WWOX: variants seen among roughly 807,000 people sequenced by gnomAD.
WWOX encodes the protein WW domain-containing oxidoreductase.
In WWOX, 69 loss-of-function variants were observed where a neutral mutation model predicts 46.2. That is an observed-to-expected ratio of 1.49 (90% confidence interval 1.23 to 1.82). The LOEUF (loss-of-function observed/expected upper bound fraction) is 1.82, where lower values mean the gene tolerates loss of function less well. Ranked by LOEUF, WWOX falls within the 40% of genes most tolerant of loss-of-function variation. The pLI is 0.00. For missense variants in WWOX, 919 were observed against 542.6 expected (o/e 1.69, Z -6.89); for synonymous variants, 359 against 202.6 (o/e 1.77, Z -6.56).
chr16:79,203,606 T>C (rs530868765), intron 8 of WWOX: 11 of 152,178 alleles, frequency 7.2e-5, no homozygotes, highest in Non-Finnish European at 1.5e-4. Flanking sequence ...ACAGCTTGTT[T>C]GTGGTTCGTC....
chr16:78,751,243 A>G lies in WWOX; in HGVS notation c.1056+318491A>G, dbSNP rs531750294. 1.6e-3 allele frequency among the ~76,000 whole-genome samples: 247 copies of G among 152,032 alleles called. 2 individuals carry two copies. Among genetic ancestry groups the G allele is most frequent in the African/African-American group, 5.6e-3 (233 of 41,482 alleles). Reference sequence around the variant, plus strand: ...TACATATCAGAAATTAGTTAGAAGAAGATATGAGATAAATATACCTGGAAA... The same window carrying G: ...TACATATCAGAAATTAGTTAGAAGAGGATATGAGATAAATATACCTGGAAA... On this transcript the variant is annotated intron_variant, in intron 8 of 8. Coordinates refer to ENST00000566780, the MANE Select transcript of WWOX (RefSeq NM_016373.4).
rs543805344 is a variant in WWOX, at chr16:78,930,597, T to G, written c.1057-281011T>G. 8.6e-4 allele frequency among the ~76,000 whole-genome samples: 120 copies of G among 139,488 alleles called. 1 individual carries two copies. The highest frequency in any genetic ancestry group is 7.4e-3 in the Middle Eastern group (2 of 270). The allele number at this position is 139,488 out of a possible 152,430, so 91.5% of individuals were successfully genotyped here. On this transcript the variant is annotated intron_variant, in intron 8 of 8. Transcript: ENST00000566780. ...TAGGCTGCTGCACCAGGCAAGGACT[T>G]TTTTTTTTTTTTTTAAACAAACTTC... is the stretch of plus-strand genomic sequence containing the variant.
At chr16:78,412,371 C>T (rs567499446) in intron 6 of WWOX, among the ~76,000 whole-genome samples, 1 of 152,050 alleles carries the variant, frequency 6.6e-6, no homozygotes, top group Non-Finnish European at 1.5e-5. Flanking sequence ...GAAGATAAGA[C>T]TGACAGGTGG....
intron 8 of WWOX, among the ~76,000 whole-genome samples, chr16:78,775,242 A>G (rs1320538881): frequency 6.6e-6 from 1 of 152,164 alleles, no homozygotes; most frequent in Non-Finnish European, 1.5e-5. Flanking sequence ...CAGCCCGGCC[A>G]ATAATATCAC....
intron 8 of WWOX, among the ~76,000 whole-genome samples, chr16:78,992,582 C>G (rs1348253605): frequency 1.3e-5 from 2 of 152,148 alleles, no homozygotes; most frequent in East Asian, 1.9e-4. Context: ...TTATTTTTCT[C>G]TCTCAGAATG....
chr16:78,928,191 C>T (rs935012148), intron 8 of WWOX, among the ~76,000 whole-genome samples: 5 of 151,330 alleles, frequency 3.3e-5, no homozygotes, highest in Admixed American at 2.6e-4. Flanking sequence ...TATGCTTTTC[C>T]CTACCACTTT....
chr16:79,063,866 A>C (rs1254284693), intron 8 of WWOX, among the ~76,000 whole-genome samples: 1 of 152,232 alleles, frequency 6.6e-6, no homozygotes, highest in Non-Finnish European at 1.5e-5. Flanking sequence ...GCTCTTCCTG[A>C]AATCAATTTT....
chr16:78,664,440 A>T (rs562299159), intron 8 of WWOX, among the ~76,000 whole-genome samples: 1 of 152,244 alleles, frequency 6.6e-6, no homozygotes, highest in Non-Finnish European at 1.5e-5. Context: ...GGCTGCTTTG[A>T]GCTTCTTCCT....
chr16:78,479,411 A>G (rs546686095), intron 8 of WWOX, among the ~76,000 whole-genome samples: 1 of 152,216 alleles, frequency 6.6e-6, no homozygotes, highest in Non-Finnish European at 1.5e-5. Flanking sequence ...TTTCATTGTA[A>G]TGTTTTAAAG....
intron 8 of WWOX, among the ~76,000 whole-genome samples, chr16:79,152,684 A>AC (rs1567585063): frequency 6.6e-6 from 1 of 151,812 alleles, no homozygotes; most frequent in Non-Finnish European, 1.5e-5. Flanking sequence ...AAAAAAAAAA[A>AC]AAAACAAAAA....
At chr16:78,953,588 C>G (rs1243756234) in intron 8 of WWOX, among the ~76,000 whole-genome samples, 2 of 152,094 alleles carry the variant, frequency 1.3e-5, no homozygotes, top group East Asian at 3.9e-4. Context: ...AGAGTGTGTC[C>G]CCTCCACTGT....
At chr16:79,058,761 C>T (rs1231682142) in intron 8 of WWOX, among the ~76,000 whole-genome samples, 1 of 152,158 alleles carries the variant, frequency 6.6e-6, no homozygotes, top group African/African-American at 2.4e-5. Context: ...TATACTTCTA[C>T]TAAAATATTA....
At position 78,563,383 on chromosome 16, in the gene WWOX, T is replaced by A. The variant is rs568714088; in HGVS notation, c.1056+130631T>A. Among the ~76,000 whole-genome samples the A allele has an allele frequency of 2.0e-5, 3 of 152,002 alleles. No homozygotes were observed. In the South Asian group the frequency reaches 6.3e-4, roughly 32 times the overall value. ...CAGATTCAGGGCAGTATGGGGTGGT[T>A]CAGGAACAGAACTGACAGGTATTGA... On this transcript the variant is annotated intron_variant, in intron 8 of 8. Transcript: ENST00000566780.
intron 8 of WWOX, among the ~76,000 whole-genome samples, chr16:78,688,636 G>C (rs1345204502): frequency 6.6e-6 from 1 of 152,136 alleles, no homozygotes; most frequent in Admixed American, 6.5e-5. Context: ...TTTCCCCCAA[G>C]GGATAATTGA....
At chr16:79,164,402 G>A (rs201950631) in intron 8 of WWOX, among the ~76,000 whole-genome samples, 4 of 151,976 alleles carry the variant, frequency 2.6e-5, no homozygotes, top group South Asian at 2.1e-4. Flanking sequence ...TTTTTTCCCC[G>A]ACAGGCTGCC....
intron 5 of WWOX, among the ~76,000 whole-genome samples, chr16:78,283,183 G>A (rs975299277): frequency 6.6e-6 from 1 of 151,752 alleles, no homozygotes; most frequent in African/African-American, 2.4e-5. Flanking sequence ...GGTTGAGGAG[G>A]CAACATGACA....
chr16:78,260,001 A>T (rs1388591979), intron 5 of WWOX, among the ~76,000 whole-genome samples: 1 of 151,304 alleles, frequency 6.6e-6, no homozygotes, highest in Non-Finnish European at 1.5e-5. Flanking sequence ...CGTTAAATGA[A>T]TCCTAGATCC....
At chr16:78,361,997 C>T (rs148826177) in intron 5 of WWOX, among the ~76,000 whole-genome samples, 5 of 130,208 alleles carry the variant, frequency 3.8e-5, no homozygotes, top group African/African-American at 1.2e-4. Flanking sequence ...TTTATTAATA[C>T]CTCCATTTAT....
At chr16:78,814,639 A>G (rs76738986) in intron 8 of WWOX, among the ~76,000 whole-genome samples, 7,062 of 152,298 alleles carry the variant, frequency 0.046, 206 homozygotes, top group Non-Finnish European at 0.066. Context: ...TTTCTATGGA[A>G]TCATGCACCT....
Sources: allele counts gnomAD v4.1 joint callset (sites outside exome capture counted in the v4.1 genomes callset), GRCh38; gene constraint gnomAD v4.1.1; transcripts MANE v1.5; gene names NCBI Gene and HGNC (gene_info 2026-07-23, HGNC 2026-07-21).